Variants in MCF2L observed in about 807,000 individuals in gnomAD.
MCF2L encodes the protein guanine nucleotide exchange factor DBS.
Under a neutral mutation model 153.4 loss-of-function variants are expected in MCF2L, and 97 were observed. The observed-to-expected ratio is 0.63, with a 90% confidence interval of 0.54 to 0.75. MCF2L has a LOEUF of 0.75. Among genes scored for constraint, MCF2L ranks in the 30% least tolerant of loss-of-function variants. The pLI is 0.00. For synonymous variants in MCF2L, 659 were observed against 632.2 expected (o/e 1.04, Z -0.64); for missense variants, 1,347 against 1,495.2 (o/e 0.90, Z 1.64).
intron 12 of MCF2L, among the ~76,000 whole-genome samples, 199 bp downstream of exon 12, chr13:113,076,356 C>T (rs538866934): frequency 1.3e-5 from 2 of 152,264 alleles, no homozygotes; most frequent in Admixed American, 1.3e-4. Context: ...TCTCCGCCTC[C>T]CAGGTTCAAG....
At chr13:112,968,422 G>T, upstream of MCF2L, 2 of 1,572,940 alleles carry the variant, frequency 1.3e-6, no homozygotes, top group South Asian at 1.2e-5. Flanking sequence ...TGGCAGCCAG[G>T]ACGCTGCGTG....
intron 1 of MCF2L, among the ~76,000 whole-genome samples, chr13:112,994,714 C>T (rs12875912): frequency 0.24 from 37,004 of 151,920 alleles, 5,590 homozygotes; most frequent in Non-Finnish European, 0.34. Context: ...GGCATCCTCC[C>T]GGGCACAGGC....
intron 1 of MCF2L, among the ~76,000 whole-genome samples, chr13:112,971,022 C>A (rs957912896): frequency 3.3e-5 from 5 of 152,158 alleles, no homozygotes; most frequent in Non-Finnish European, 5.9e-5. Context: ...GGGGAGGTGA[C>A]CCTGCATCAT....
chr13:112,997,823 C>T (rs746373759), intron 1 of MCF2L, among the ~76,000 whole-genome samples: 13 of 152,230 alleles, frequency 8.5e-5, no homozygotes, highest in African/African-American at 1.7e-4. Flanking sequence ...CAGGGACCAG[C>T]GTGGTGACGC....
chr13:113,079,402 C>T (rs1000197058), intron 15 of MCF2L, among the ~76,000 whole-genome samples: 5 of 148,976 alleles, frequency 3.4e-5, no homozygotes, highest in Non-Finnish European at 6.0e-5. Flanking sequence ...GGCCACACAC[C>T]GACCAGGCAC....
At chr13:113,025,809 T>C (rs1364425018) in intron 3 of MCF2L, among the ~76,000 whole-genome samples, 22 of 147,826 alleles carry the variant, frequency 1.5e-4, no homozygotes, top group African/African-American at 3.8e-4. Context: ...GGGGTCCCCG[T>C]GACTGTGGGT....
chr13:112,991,518 A>G (rs1022831444), intron 1 of MCF2L, among the ~76,000 whole-genome samples: 1 of 152,210 alleles, frequency 6.6e-6, no homozygotes, highest in African/African-American at 2.4e-5. Flanking sequence ...ATAATAGCAG[A>G]TTTTTAAAGT....
Position 113,081,878 on chromosome 13 carries a change from C to A in MCF2L, c.1876-549C>A, listed in dbSNP as rs72485696. Among the ~76,000 whole-genome samples the A allele has an allele frequency of 1.4e-3, 206 of 151,726 alleles. 5 individuals carry two copies. In the East Asian group the frequency reaches 0.035, roughly 26 times the overall value. On this transcript the variant is annotated intron_variant, in intron 16 of 29. Transcript: ENST00000535094. Reference sequence around the variant, plus strand: ...ACGGGTGTCTGATTCACCGAGTGTGCACAGGTGGTGGTCAACTGAGTGTTG... The same window carrying A: ...ACGGGTGTCTGATTCACCGAGTGTGAACAGGTGGTGGTCAACTGAGTGTTG...
At chr13:113,069,975 TG>T (rs780224634) in intron 8 of MCF2L, 83 bp from the exon 9 acceptor site, 6 of 851,144 alleles carry the variant, frequency 7.0e-6, no homozygotes, top group Non-Finnish European at 1.1e-5. Flanking sequence ...AGATGAGCCT[TG>T]GGGTCGCTTG....
chr13:113,045,117 CG>C lies in MCF2L; in HGVS notation c.279-150del, dbSNP rs1425745540. On this transcript the variant is annotated intron_variant, in intron 3 of 29. Transcript: ENST00000535094. This position sits in a 1 kb window ranked among gnomAD's most constrained non-coding sequence, Gnocchi z 4.2. ...TCTGGGACTGCGGGGATGGGGCTGCCGGGGCCCCCGTGTGCCATGCCTCTCA... is the reference window on the plus strand; with the variant it reads ...TCTGGGACTGCGGGGATGGGGCTGCCGGGCCCCCGTGTGCCATGCCTCTCA... 2 of 921,862 alleles carry C rather than the reference CG, an allele frequency of 2.2e-6. No homozygotes were observed. Among genetic ancestry groups the C allele is most frequent in the Admixed American group, 2.1e-5 (1 of 48,458 alleles). 57.1% of individuals were successfully genotyped at this position (921,862 alleles called of 1,614,324 possible).
chr13:113,096,128 A>C (rs55719740), intron 27 of MCF2L: 11 of 583,202 alleles, frequency 1.9e-5, no homozygotes, highest in Non-Finnish European at 2.4e-5. Context: ...TGTGGAGACC[A>C]GCGTGAGGGG....
At chr13:113,017,767 G>A (rs888290723) in intron 2 of MCF2L, among the ~76,000 whole-genome samples, 2 of 152,160 alleles carry the variant, frequency 1.3e-5, no homozygotes, top group African/African-American at 4.8e-5. Context: ...GGTCCAGCTG[G>A]GTGAGGCCCC....
At chr13:113,072,432 A>G (rs1483480987) in intron 9 of MCF2L, among the ~76,000 whole-genome samples, 3 of 152,306 alleles carry the variant, frequency 2.0e-5, no homozygotes, top group Middle Eastern at 3.4e-3. Context: ...CCCCAACCTT[A>G]GGAGGAAAGT....
intron 1 of MCF2L, among the ~76,000 whole-genome samples, chr13:112,978,355 C>T (rs941806651): frequency 6.6e-6 from 1 of 152,190 alleles, no homozygotes; most frequent in East Asian, 1.9e-4. Context: ...CACCTTGTTG[C>T]GTCTGGCAGG....
rs561360500 is a variant in MCF2L, at chr13:113,088,255, G to A, written c.2689-72G>A. On this transcript the variant is annotated intron_variant, in intron 23 of 29. Transcript: ENST00000535094. ...TCCTAAGATTATCTTTGGATGTTCC[G>A]AGAGTGAAACCAAAGCGTGTTTCCT... 40 of 1,267,696 alleles carry A rather than the reference G, an allele frequency of 3.2e-5. No individual in the cohort carries two copies. The Middle Eastern group carries it at 5.5e-4, about 18-fold the overall frequency. 78.5% of individuals were successfully genotyped at this position (1,267,696 alleles called of 1,614,324 possible).
intron 1 of MCF2L, among the ~76,000 whole-genome samples, chr13:112,986,123 G>A (rs185036806): frequency 4.8e-4 from 73 of 152,090 alleles, no homozygotes; most frequent in Admixed American, 4.4e-3. Flanking sequence ...ACAAGGGCTC[G>A]CCCCTTCACT....
rs752921613 is a variant in MCF2L at position 113,046,562 on chromosome 13, C to T, written c.369+1201C>T. The T allele has an allele frequency of 9.4e-6, 5 of 533,406 alleles. No individual in the cohort carries two copies. The highest frequency in any genetic ancestry group is 7.0e-5 in the South Asian group (5 of 71,576). 33.0% of individuals were successfully genotyped at this position (533,406 alleles called of 1,614,324 possible). On this transcript the variant is annotated intron_variant, in intron 4 of 29. Coordinates refer to ENST00000535094, the MANE Select transcript of MCF2L (RefSeq NM_001112732.3). This position sits in a 1 kb window ranked among gnomAD's most constrained non-coding sequence, Gnocchi z 4.4. ...GTATACTGAAAAAAGTCATTCCTTT[C>T]CCCGCACATTGCCTCATTCCTTCAT...
chr13:112,926,347 C>T (rs61253251), intron 2 of MCF2L, among the ~76,000 whole-genome samples: 16 of 150,234 alleles, frequency 1.1e-4, no homozygotes, highest in Non-Finnish European at 8.9e-5. Context: ...ACATACACAA[C>T]GGAGTGCTGC....
intron 3 of MCF2L, among the ~76,000 whole-genome samples, chr13:113,036,592 C>T (rs1343418780): frequency 1.3e-5 from 2 of 152,220 alleles, no homozygotes; most frequent in Non-Finnish European, 2.9e-5. Flanking sequence ...GGGTGAGTGG[C>T]AGCAGCCACC....
Sources: gnomAD v4.1 joint callset for allele counts (sites outside exome capture counted in the v4.1 genomes callset) on GRCh38, gnomAD v4.1.1 for gene constraint, Gnocchi (gnomAD v3.1) non-coding constraint, MANE v1.5 for transcripts, NCBI Gene and HGNC (gene_info 2026-07-23, HGNC 2026-07-21) for gene names.